EXOC6B: variants seen among roughly 807,000 people sequenced by gnomAD.
EXOC6B encodes SEC15 homolog B.
A neutral mutation model predicts 113.5 loss-of-function variants in EXOC6B; 54 were observed. The ratio of observed to expected loss-of-function variants is 0.48; its 90% CI spans 0.38 to 0.60. The LOEUF (loss-of-function observed/expected upper bound fraction) is 0.60. EXOC6B is among the 20% of genes least tolerant of loss of function. The pLI is 0.00. For synonymous variants in EXOC6B, 357 were observed against 339.0 expected (o/e 1.05, Z -0.58); for missense variants, 797 against 977.5 (o/e 0.82, Z 2.46).
At chr2:72,697,948 T>C (rs927128748) in intron 6 of EXOC6B, among the ~76,000 whole-genome samples, 2 of 152,150 alleles carry the variant, frequency 1.3e-5, no homozygotes, top group African/African-American at 4.8e-5. Flanking sequence ...CAGGGACCTA[T>C]ATATAAAGAC....
chr2:72,438,492 C>G (rs1696014650), intron 18 of EXOC6B, among the ~76,000 whole-genome samples: 1 of 152,042 alleles, frequency 6.6e-6, no homozygotes, highest in South Asian at 2.1e-4. Flanking sequence ...GCCTGTAGAC[C>G]TAGTTACTCA....
At chr2:72,338,839 T>C (rs1015962559) in intron 19 of EXOC6B, among the ~76,000 whole-genome samples, 56 of 152,092 alleles carry the variant, frequency 3.7e-4, no homozygotes, top group African/African-American at 1.3e-3. Flanking sequence ...TTTTTTCTTC[T>C]TTATATTTTA....
rs576084789 is a variant in EXOC6B, at chr2:72,540,975, CT to C, written c.915+18477del. On this transcript the variant is annotated intron_variant, in intron 8 of 21. Transcript: ENST00000272427. ...GAAAAATTCCTCAGCTTTTCTTTAT[CT>C]TTTGTGACTGGCATTTGATATGGTT... Among the ~76,000 whole-genome samples the C allele has an allele frequency of 2.0e-4, 31 of 152,222 alleles. 1 individual carries two copies. The South Asian group carries it at 6.4e-3, about 32-fold the overall frequency.
chr2:72,521,470 A>G (rs1323211626), intron 8 of EXOC6B, among the ~76,000 whole-genome samples: 1 of 152,188 alleles, frequency 6.6e-6, no homozygotes, highest in Non-Finnish European at 1.5e-5. Flanking sequence ...AAGGTAAAAA[A>G]TATCTTCTGA....
chr2:72,437,562 T>A lies in EXOC6B; in HGVS notation c.1980+27598A>T, dbSNP rs1211758408. Among the ~76,000 whole-genome samples, 12 of 152,336 alleles carry A rather than the reference T, an allele frequency of 7.9e-5. No individual in the cohort carries two copies. In the East Asian group the frequency reaches 2.3e-3, roughly 29 times the overall value. The stretch of plus-strand genomic sequence containing the variant: ...GGAGTTTTATCTATAAGCCCCTGAC[T>A]GGGGCTGCTGCCTTTCTTTCAGAGA... On this transcript the variant is annotated intron_variant, in intron 18 of 21. Coordinates refer to ENST00000272427, the MANE Select transcript of EXOC6B (RefSeq NM_015189.3).
At chr2:72,596,215 A>G (rs542382865) in intron 6 of EXOC6B, among the ~76,000 whole-genome samples, 1 of 152,298 alleles carries the variant, frequency 6.6e-6, no homozygotes, top group South Asian at 2.1e-4. Flanking sequence ...GAAAAACTAG[A>G]AAACTCTTCT....
chr2:72,592,807 C>T (rs1162395810), intron 6 of EXOC6B, among the ~76,000 whole-genome samples: 1 of 152,090 alleles, frequency 6.6e-6, no homozygotes, highest in Non-Finnish European at 1.5e-5. Flanking sequence ...CCTGAACACC[C>T]TTGGAATTTC....
chr2:72,719,001 C>T (rs1260001691), intron 5 of EXOC6B, among the ~76,000 whole-genome samples: 1 of 152,140 alleles, frequency 6.6e-6, no homozygotes, highest in African/African-American at 2.4e-5. Context: ...GTAAACTATC[C>T]AAAACAACTA....
intron 18 of EXOC6B, among the ~76,000 whole-genome samples, chr2:72,434,661 C>T (rs1197693770): frequency 6.6e-6 from 1 of 152,100 alleles, no homozygotes; most frequent in Admixed American, 6.6e-5. Flanking sequence ...GGAATTTATC[C>T]GTTTCTTCTA....
intron 6 of EXOC6B, among the ~76,000 whole-genome samples, chr2:72,605,335 T>TGGAA (rs1670691388): frequency 6.8e-6 from 1 of 147,968 alleles, no homozygotes; most frequent in Admixed American, 6.7e-5. Flanking sequence ...ACTTACAGAG[T>TGGAA]GGAATACTAA....
chr2:72,260,894 A>C (rs566429445), intron 20 of EXOC6B, among the ~76,000 whole-genome samples: 1 of 152,280 alleles, frequency 6.6e-6, no homozygotes, highest in Non-Finnish European at 1.5e-5. Context: ...AAAGTTACTA[A>C]ATTTACCCAG....
chr2:72,637,163 G>C (rs1358604948), intron 6 of EXOC6B, among the ~76,000 whole-genome samples: 1 of 152,028 alleles, frequency 6.6e-6, no homozygotes, highest in Admixed American at 6.6e-5. Flanking sequence ...GATGAAAGAA[G>C]TCAAAAACCA....
At chr2:72,391,542 T>C (rs1692382172) in intron 18 of EXOC6B, among the ~76,000 whole-genome samples, 2 of 152,202 alleles carry the variant, frequency 1.3e-5, no homozygotes, top group Admixed American at 6.5e-5. Flanking sequence ...CTGTGTGGGC[T>C]GCTGAGCTTC....
chr2:72,558,006 T>A (rs958914350), intron 8 of EXOC6B, among the ~76,000 whole-genome samples: 4 of 147,452 alleles, frequency 2.7e-5, no homozygotes, highest in Non-Finnish European at 6.0e-5. Context: ...GTTACTTTAG[T>A]AGTAAGATAT....
intron 18 of EXOC6B, among the ~76,000 whole-genome samples, chr2:72,395,395 A>T (rs990614300): frequency 6.6e-6 from 1 of 152,088 alleles, no homozygotes; most frequent in African/African-American, 2.4e-5. Context: ...CTCCTCCCAA[A>T]CACCTCATTA....
intron 1 of EXOC6B, among the ~76,000 whole-genome samples, chr2:72,782,231 T>C (rs1684093048): frequency 6.6e-6 from 1 of 152,058 alleles, no homozygotes; most frequent in Non-Finnish European, 1.5e-5. Context: ...CCGTTTCTTG[T>C]TTCTTCCCTA....
chr2:72,195,874 A>C (rs187182946), intron 20 of EXOC6B, among the ~76,000 whole-genome samples: 1 of 152,308 alleles, frequency 6.6e-6, no homozygotes, highest in East Asian at 1.9e-4. Flanking sequence ...GAAAAATGAA[A>C]TTTACTTAAC....
At chr2:72,635,339 A>AGAAAAAATACAAATCAGGAAT (rs1479933766) in intron 6 of EXOC6B, among the ~76,000 whole-genome samples, 1 of 152,204 alleles carries the variant, frequency 6.6e-6, no homozygotes, top group Non-Finnish European at 1.5e-5. Context: ...TGAAAAAAAG[A>AGAAAAAATACAAATCAGGAAT]GAAAAAATAC....
intron 2 of EXOC6B, among the ~76,000 whole-genome samples, chr2:72,734,142 G>C (rs1573710646): frequency 6.6e-6 from 1 of 152,130 alleles, no homozygotes; most frequent in Non-Finnish European, 1.5e-5. Context: ...TTCTCAAGGA[G>C]CTAGTTTTTT....
Sources: allele counts gnomAD v4.1 joint callset (sites outside exome capture counted in the v4.1 genomes callset), GRCh38; gene constraint gnomAD v4.1.1; transcripts MANE v1.5; gene names NCBI Gene and HGNC (gene_info 2026-07-23, HGNC 2026-07-21).